Variants in PMFBP1 observed in about 807,000 individuals in gnomAD.
PMFBP1 encodes polyamine modulated factor 1 binding protein 1, also known as polyamine-modulated factor 1-binding protein 1.
In PMFBP1, 131 loss-of-function variants were observed where a neutral mutation model predicts 137.8. The observed-to-expected ratio is 0.95, with a 90% CI of 0.82 to 1.10. The LOEUF (loss-of-function observed/expected upper bound fraction) is 1.10. Ranked by LOEUF, PMFBP1 falls within the 50% of genes least tolerant of loss-of-function variation. PMFBP1 has a pLI of 0.00. For missense variants in PMFBP1, 1,199 were observed against 1,175.4 expected, an observed-to-expected ratio of 1.02 and a Z score of -0.29; for synonymous variants, 490 against 450.4, an observed-to-expected ratio of 1.09 and a Z score of -1.11.
chr16:72,194,830 G>C, the PMFBP1 span, among the ~76,000 whole-genome samples: 1 of 152,164 alleles, frequency 6.6e-6, no homozygotes. Flanking sequence ...CAGAAGGCAG[G>C]CCACTTGCTG....
the PMFBP1 span, among the ~76,000 whole-genome samples, chr16:72,236,534 C>A: frequency 6.6e-6 from 1 of 152,132 alleles, no homozygotes; most frequent in African/African-American, 2.4e-5. Flanking sequence ...AAAAGCCCCA[C>A]ACCCAAGACA....
chr16:72,200,092 T>C, the PMFBP1 span, among the ~76,000 whole-genome samples: 2 of 152,240 alleles, frequency 1.3e-5, no homozygotes, highest in African/African-American at 4.8e-5. Flanking sequence ...CAAGGCTCTG[T>C]GCCCGCCCTG....
At chr16:72,125,630 C>A (rs1323426836) in intron 15 of PMFBP1, among the ~76,000 whole-genome samples, 1 of 152,158 alleles carries the variant, frequency 6.6e-6, no homozygotes, top group Non-Finnish European at 1.5e-5. Context: ...TCTTTCCAAT[C>A]CCATGAATTG....
chr16:72,129,348 A>C, intron 12 of PMFBP1, 115 bp from the exon 13 acceptor site: 2 of 1,202,016 alleles, frequency 1.7e-6, no homozygotes. Context: ...ACAATTCCTT[A>C]GTTATATAGC....
chr16:72,148,739 G>C (rs2042853256), intron 5 of PMFBP1, among the ~76,000 whole-genome samples: 1 of 152,140 alleles, frequency 6.6e-6, no homozygotes, highest in Admixed American at 6.5e-5. Context: ...AAATCCATAT[G>C]ACCAATATGC....
At chr16:72,206,450 C>G in the PMFBP1 span, among the ~76,000 whole-genome samples, 1 of 152,190 alleles carries the variant, frequency 6.6e-6, no homozygotes, top group Non-Finnish European at 1.5e-5. Flanking sequence ...ATAAGTCACT[C>G]CTGATACTGC....
chr16:72,181,180 A>C (rs1403425198), upstream of PMFBP1, among the ~76,000 whole-genome samples: 2 of 151,818 alleles, frequency 1.3e-5, no homozygotes, highest in Non-Finnish European at 2.9e-5. Context: ...CAGAGGCTGC[A>C]GTGAGCCCAG....
Position 72,162,119 on chromosome 16 carries a change from GTTCTTTTCTCCTT to G in PMFBP1, c.165+2632_165+2644del, listed in dbSNP as rs145816099. On this transcript the variant is annotated intron_variant, in intron 3 of 20. Coordinates refer to ENST00000237353, the MANE Select transcript of PMFBP1 (RefSeq NM_031293.3). ...ATCATTTTATTATGATGTCTCTGTT[GTTCTTTTCTCCTT>G]TCACTTTGAGATGCTCTTTTGATTC... Among the ~76,000 whole-genome samples, 323 of 152,260 alleles carry G rather than the reference GTTCTTTTCTCCTT, an allele frequency of 2.1e-3. 2 individuals are homozygous for G. Among genetic ancestry groups the G allele is most frequent in the African/African-American group, 7.7e-3 (318 of 41,548 alleles).
chr16:72,228,769 T>G, the PMFBP1 span, among the ~76,000 whole-genome samples: 2 of 152,170 alleles, frequency 1.3e-5, no homozygotes, highest in African/African-American at 2.4e-5. Flanking sequence ...TTTTCTTTCT[T>G]GTATATTTTT....
At position 72,136,494 on chromosome 16, in the gene PMFBP1, TGCAGCTCCTGCAGCCG is replaced by T; in HGVS notation, c.1141_1156del (p.Arg381SerfsTer12). 6.2e-7 allele frequency: 1 copy of T among 1,614,058 alleles called. No individual in the cohort carries two copies. Among genetic ancestry groups the T allele is most frequent in the Non-Finnish European group, 8.5e-7 (1 of 1,179,974 alleles). Reference sequence around the variant, plus strand: ...CTTTTGGGTCTCGGTGAACTCCAGCTGCAGCTCCTGCAGCCGGCACTGCAGGATGGTGATGTCCTTA... The same window carrying T: ...CTTTTGGGTCTCGGTGAACTCCAGCTGCACTGCAGGATGGTGATGTCCTTA... On this transcript the variant is annotated frameshift_variant, in exon 9 of 21. Coordinates refer to ENST00000237353, the MANE Select transcript of PMFBP1 (RefSeq NM_031293.3). LOFTEE classifies it high-confidence loss of function.
intron 2 of PMFBP1, 83 bp from the exon 3 acceptor site, chr16:72,164,999 C>G: frequency 1.4e-6 from 2 of 1,405,198 alleles, no homozygotes; most frequent in Non-Finnish European, 1.9e-6. Context: ...TTGACAGAGA[C>G]TTGAAATTTG....
At chr16:72,214,718 G>T in the PMFBP1 span, among the ~76,000 whole-genome samples, 1 of 152,144 alleles carries the variant, frequency 6.6e-6, no homozygotes, top group African/African-American at 2.4e-5. Context: ...AGCAAAATAG[G>T]CTAATTGACT....
chr16:72,225,500 G>A, the PMFBP1 span, among the ~76,000 whole-genome samples: 3 of 151,638 alleles, frequency 2.0e-5, no homozygotes, highest in African/African-American at 7.3e-5. Context: ...GACCAGCCTG[G>A]GTAACACAGC....
At chr16:72,148,569 T>C (rs2042850791) in intron 5 of PMFBP1, among the ~76,000 whole-genome samples, 2 of 151,800 alleles carry the variant, frequency 1.3e-5, no homozygotes, top group South Asian at 2.1e-4. Context: ...AAAATACCAC[T>C]AATAAAGTAA....
Position 72,155,415 on chromosome 16 carries a change from T to C in PMFBP1, c.166-956A>G, listed in dbSNP as rs1262067084. On this transcript the variant is annotated intron_variant, in intron 3 of 20. Coordinates refer to ENST00000237353, the MANE Select transcript of PMFBP1 (RefSeq NM_031293.3). ...TTTGCACCAGTACCACAGACTTTGC[T>C]AGCATGTCCTTAATGTGCTATTCTG... Among the ~76,000 whole-genome samples the C allele has an allele frequency of 2.6e-5, 4 of 152,216 alleles. 1 individual carries two copies. The highest frequency in any genetic ancestry group is 5.9e-5 in the Non-Finnish European group (4 of 68,036).
chr16:72,185,939 A>T, the PMFBP1 span, among the ~76,000 whole-genome samples: 4 of 152,140 alleles, frequency 2.6e-5, no homozygotes, highest in Admixed American at 2.6e-4. Flanking sequence ...AAATAATCTG[A>T]TATTGAATTA....
At chr16:72,159,239 C>T (rs2043026459) in intron 3 of PMFBP1, among the ~76,000 whole-genome samples, 4 of 152,180 alleles carry the variant, frequency 2.6e-5, no homozygotes, top group Admixed American at 2.6e-4. Context: ...CTGGTACCCC[C>T]ATCTATACTT....
chr16:72,148,665 C>T (rs72787085), intron 5 of PMFBP1, among the ~76,000 whole-genome samples: 18,841 of 152,038 alleles, frequency 0.12, 1,636 homozygotes, highest in South Asian at 0.18. Context: ...AGCTCCTATA[C>T]ACCAATAGAA....
chr16:72,243,274 T>C, the PMFBP1 span, among the ~76,000 whole-genome samples: 1 of 152,212 alleles, frequency 6.6e-6, no homozygotes, highest in African/African-American at 2.4e-5. Context: ...GTGCTGTCAA[T>C]GGTGTCCTTC....
Sources: allele counts gnomAD v4.1 joint callset (sites outside exome capture counted in the v4.1 genomes callset), GRCh38; gene constraint gnomAD v4.1.1; transcripts MANE v1.5; gene names NCBI Gene and HGNC (gene_info 2026-07-23, HGNC 2026-07-21).